ANKS1B: variants seen among roughly 807,000 people sequenced by gnomAD.
The protein encoded by ANKS1B is ankyrin repeat and sterile alpha motif domain containing 1B, also known as ankyrin repeat and sterile alpha motif domain-containing protein 1B.
In ANKS1B, 36 loss-of-function variants were observed where a neutral mutation model predicts 148.3. That is an observed-to-expected ratio of 0.24 (90% CI 0.19 to 0.32). The LOEUF is 0.32. ANKS1B is among the 10% of genes least tolerant of loss of function. The pLI, the probability that ANKS1B is intolerant of heterozygous loss-of-function variation, is 1.00. For missense variants in ANKS1B, 1,157 were observed against 1,542.6 expected (o/e 0.75, Z 4.19); for synonymous variants, 542 against 560.8 (o/e 0.97, Z 0.47).
At chr12:99,243,356 T>C (rs2153966980) in intron 14 of ANKS1B, among the ~76,000 whole-genome samples, 1 of 152,278 alleles carries the variant, frequency 6.6e-6, no homozygotes, top group Non-Finnish European at 1.5e-5. Context: ...AGAATGGCGA[T>C]CATTAAAAAG....
At chr12:99,270,492 TA>T (rs1489422354) in intron 12 of ANKS1B, among the ~76,000 whole-genome samples, 1 of 152,238 alleles carries the variant, frequency 6.6e-6, no homozygotes, top group Non-Finnish European at 1.5e-5. Flanking sequence ...TCCCTCCCAC[TA>T]GAATGTAAGA....
chr12:99,582,162 C>G (rs145466564), intron 9 of ANKS1B, among the ~76,000 whole-genome samples: 537 of 151,908 alleles, frequency 3.5e-3, no homozygotes, highest in African/African-American at 0.012. Flanking sequence ...AGAACATACT[C>G]TTTAGAATGG....
chr12:99,373,088 T>C (rs936476004), intron 12 of ANKS1B, among the ~76,000 whole-genome samples: 1 of 152,224 alleles, frequency 6.6e-6, no homozygotes, highest in Non-Finnish European at 1.5e-5. Context: ...AGAAGATCAC[T>C]AGTAAATTTC....
intron 1 of ANKS1B, among the ~76,000 whole-genome samples, chr12:99,927,360 G>C (rs1731661053): frequency 6.6e-6 from 1 of 152,088 alleles, no homozygotes; most frequent in African/African-American, 2.4e-5. Context: ...ACAGAAATCT[G>C]TGAATTATAT....
intron 8 of ANKS1B, among the ~76,000 whole-genome samples, chr12:99,737,622 GT>G (rs1373008302): frequency 6.6e-6 from 1 of 151,908 alleles, no homozygotes; most frequent in Non-Finnish European, 1.5e-5. Flanking sequence ...AATAAAAGGT[GT>G]TTTTTGGCCA....
chr12:98,956,466 G>T (rs1325751196), intron 17 of ANKS1B: 2 of 152,016 alleles, frequency 1.3e-5, no homozygotes, highest in Non-Finnish European at 2.9e-5. Context: ...GCTTTCTTCT[G>T]TCCATAAAAC....
intron 17 of ANKS1B, among the ~76,000 whole-genome samples, chr12:98,890,304 A>AT (rs2099749611): frequency 6.6e-6 from 1 of 152,226 alleles, no homozygotes. Context: ...AACCAACCCC[A>AT]TAAGAGATAT....
At chr12:99,378,153 G>T (rs2152496769) in intron 12 of ANKS1B, among the ~76,000 whole-genome samples, 1 of 152,268 alleles carries the variant, frequency 6.6e-6, no homozygotes, top group East Asian at 1.9e-4. Flanking sequence ...TTAAAAACAT[G>T]CCTCATAGGT....
At chr12:99,168,535 G>A (rs1177796602) in intron 14 of ANKS1B, among the ~76,000 whole-genome samples, 4 of 150,862 alleles carry the variant, frequency 2.7e-5, no homozygotes, top group African/African-American at 7.3e-5. Flanking sequence ...AAAAAAAAAG[G>A]AAGTTAAAAA....
chr12:98,875,507 T>C (rs2099686506), intron 17 of ANKS1B, among the ~76,000 whole-genome samples: 1 of 152,290 alleles, frequency 6.6e-6, no homozygotes, highest in African/African-American at 2.4e-5. Context: ...CTGTTGTCTG[T>C]TTGCCTGTCT....
Position 99,783,790 on chromosome 12 carries a change from G to A in ANKS1B, c.670-1693C>T, listed in dbSNP as rs568197196. ...TGACTGCGAAATTACAGCTATATAG[G>A]AGGAAGAAGTTCTAGTATTCTTTAG... On this transcript the variant is annotated intron_variant, in intron 4 of 26. Coordinates refer to ENST00000683438, the MANE Select transcript of ANKS1B (RefSeq NM_001352186.2). Among the ~76,000 whole-genome samples, 3 of 152,156 alleles carry A rather than the reference G, an allele frequency of 2.0e-5. No individual in the cohort carries two copies. The South Asian group carries it at 6.2e-4, about 32-fold the overall frequency.
At chr12:99,830,597 A>G (rs1172875220) in intron 1 of ANKS1B, among the ~76,000 whole-genome samples, 1 of 151,814 alleles carries the variant, frequency 6.6e-6, no homozygotes, top group Non-Finnish European at 1.5e-5. Flanking sequence ...CTAGAAACAA[A>G]CCAGTCATAC....
At chr12:99,812,132 G>T in intron 3 of ANKS1B, 23 bp downstream of exon 3, 1 of 1,594,928 alleles carries the variant, frequency 6.3e-7, no homozygotes, top group South Asian at 1.1e-5. Flanking sequence ...ATTACATCAT[G>T]AGCAAACATT....
intron 4 of ANKS1B, among the ~76,000 whole-genome samples, chr12:99,784,296 C>A (rs2064747489): frequency 6.6e-6 from 1 of 151,882 alleles, no homozygotes; most frequent in Non-Finnish European, 1.5e-5. Context: ...CTCAGCCTCC[C>A]GAGAAGCTGG....
chr12:99,408,545 A>G (rs2094585585), intron 11 of ANKS1B, among the ~76,000 whole-genome samples: 1 of 145,716 alleles, frequency 6.9e-6, no homozygotes, highest in South Asian at 2.1e-4. Context: ...GAAACAACCA[A>G]TAAAGTGAAG....
At chr12:99,945,084 G>T (rs2095027986) in intron 1 of ANKS1B, among the ~76,000 whole-genome samples, 1 of 152,144 alleles carries the variant, frequency 6.6e-6, no homozygotes, top group Admixed American at 6.5e-5. Context: ...CCCTAAGAGG[G>T]TTTACATTCC....
At chr12:99,549,262 C>T (rs557097863) in intron 9 of ANKS1B, among the ~76,000 whole-genome samples, 43 of 152,270 alleles carry the variant, frequency 2.8e-4, no homozygotes, top group African/African-American at 1.0e-3. Context: ...CTTTAGAAAT[C>T]ACAGTAAGCG....
chr12:99,287,091 T>G (rs1014495274), intron 12 of ANKS1B, among the ~76,000 whole-genome samples: 15 of 149,942 alleles, frequency 1.0e-4, no homozygotes, highest in African/African-American at 3.8e-4. Context: ...CTCAGGACAT[T>G]GACAAGACCC....
At chr12:99,080,212 A>T (rs1053717663) in intron 16 of ANKS1B, among the ~76,000 whole-genome samples, 3 of 149,578 alleles carry the variant, frequency 2.0e-5, no homozygotes, top group African/African-American at 7.3e-5. Context: ...GTGTGCAGGC[A>T]AATGAACCCA....
Sources: gnomAD v4.1 joint callset for allele counts (sites outside exome capture counted in the v4.1 genomes callset) on GRCh38, gnomAD v4.1.1 for gene constraint, MANE v1.5 for transcripts, NCBI Gene and HGNC (gene_info 2026-07-23, HGNC 2026-07-21) for gene names.